PHF21B: variants seen among roughly 807,000 people sequenced by gnomAD.
PHF21B encodes PHD finger protein 4.
A neutral mutation model predicts 62.2 loss-of-function variants in PHF21B; 22 were observed. The ratio of observed to expected loss-of-function variants is 0.35; its 90% CI spans 0.25 to 0.51. The LOEUF (loss-of-function observed/expected upper bound fraction) is 0.51, where lower values mean the gene tolerates loss of function less well. Ranked by LOEUF, PHF21B falls within the 20% of genes least tolerant of loss-of-function variation. PHF21B has a pLI of 0.97. For synonymous variants in PHF21B, 341 were observed against 314.7 expected, an observed-to-expected ratio of 1.08 and a Z score of -0.88; for missense variants, 701 against 707.9, an observed-to-expected ratio of 0.99 and a Z score of 0.11.
At position 44,899,613 on chromosome 22, in the gene PHF21B, CTCT is replaced by C. The variant is rs546936127; in HGVS notation, c.832-3533_832-3531del. On this transcript the variant is annotated intron_variant, in intron 5 of 12. Transcript: ENST00000313237. ...CCTCTTCTTTTTTCTTCTCCTTCTC[CTCT>C]TTTCTTCCTTCTCCTTCCTTCTTCT... Among the ~76,000 whole-genome samples, 187 of 152,118 alleles carry C rather than the reference CTCT, an allele frequency of 1.2e-3. 1 individual carries two copies. The highest frequency in any genetic ancestry group is 4.4e-3 in the African/African-American group (181 of 41,500).
Position 44,914,016 on chromosome 22 carries a change from G to C in PHF21B, c.637C>G (p.Leu213Val). ...GACAGTGATGGGGAGGGAGGGGTGA[G>C]GGGAAGAGAGGAGGGGTGGAGGGGA... ...HCPLHPSSLPLTPPSPSLSPS... is the reference protein window; with the variant it reads ...HCPLHPSSLPVTPPSPSLSPS... The change falls in exon 5 of 13, where the codon CTC becomes GTC. Residue 213 changes from leucine to valine, a missense_variant. Transcript: ENST00000313237. 1 of 1,447,598 alleles carries C rather than the reference G, an allele frequency of 6.9e-7. No homozygotes were observed. 89.7% of individuals were successfully genotyped at this position (1,447,598 alleles called of 1,614,324 possible).
At chr22:44,976,218 G>C (rs1337724053) in intron 2 of PHF21B, among the ~76,000 whole-genome samples, 1 of 152,176 alleles carries the variant, frequency 6.6e-6, no homozygotes, top group Non-Finnish European at 1.5e-5. Flanking sequence ...TATTCATGGG[G>C]TACAGTAGGA....
At chr22:45,005,943 C>G (rs190199829) in intron 2 of PHF21B, among the ~76,000 whole-genome samples, 1 of 152,162 alleles carries the variant, frequency 6.6e-6, no homozygotes, top group African/African-American at 2.4e-5. Context: ...AAGTAGAGGC[C>G]TCTTCAAAAC....
intron 2 of PHF21B, among the ~76,000 whole-genome samples, chr22:44,956,868 G>A (rs2072308951): frequency 6.6e-6 from 1 of 152,178 alleles, no homozygotes; most frequent in East Asian, 1.9e-4. Context: ...CATCAAAGCT[G>A]TACCCCAGAT....
At chr22:44,998,334 G>C (rs1304574612) in intron 2 of PHF21B, among the ~76,000 whole-genome samples, 1 of 152,218 alleles carries the variant, frequency 6.6e-6, no homozygotes, top group African/African-American at 2.4e-5. Context: ...GGGGCCAGCG[G>C]CTTCAGAAAG....
intron 2 of PHF21B, among the ~76,000 whole-genome samples, chr22:44,965,274 G>A (rs1024833499): frequency 4.6e-5 from 7 of 151,954 alleles, no homozygotes; most frequent in African/African-American, 7.3e-5. Context: ...GGATGGCCAC[G>A]CTCATCCCCC....
intron 2 of PHF21B, among the ~76,000 whole-genome samples, chr22:44,920,770 T>G (rs1373815638): frequency 2.0e-5 from 3 of 152,228 alleles, no homozygotes; most frequent in Non-Finnish European, 2.9e-5. Context: ...CAGCTAAATA[T>G]AGAATGTTGT....
chr22:44,946,013 T>C (rs1385470678), intron 2 of PHF21B, among the ~76,000 whole-genome samples: 1 of 152,096 alleles, frequency 6.6e-6, no homozygotes, highest in Non-Finnish European at 1.5e-5. Flanking sequence ...ACCAAGTTCC[T>C]ACAGTGTGCC....
Position 44,937,624 on chromosome 22 carries a change from G to A in PHF21B, c.121-17134C>T, listed in dbSNP as rs1041954463. 3.3e-5 allele frequency among the ~76,000 whole-genome samples: 5 copies of A among 152,380 alleles called. No individual in the cohort carries two copies. The South Asian group carries it at 8.3e-4, about 25-fold the overall frequency. ...AAAACCTGTATCCCCAAAACATCAT[G>A]TGCATGAAAATTCGGAGCAGCTTTA... On this transcript the variant is annotated intron_variant, in intron 2 of 12. Transcript: ENST00000313237.
intron 2 of PHF21B, among the ~76,000 whole-genome samples, chr22:44,965,630 C>A (rs566386559): frequency 1.3e-5 from 2 of 152,322 alleles, no homozygotes; most frequent in Admixed American, 1.3e-4. Flanking sequence ...CCCGGCCCCC[C>A]AGGTGTTCTG....
intron 2 of PHF21B, among the ~76,000 whole-genome samples, chr22:44,995,129 G>T (rs2073099523): frequency 6.6e-6 from 1 of 152,236 alleles, no homozygotes; most frequent in South Asian, 2.1e-4. Context: ...CACCAAGGTT[G>T]TGGGGAGGTA....
At chr22:44,919,986 G>A (rs1193283476) in intron 3 of PHF21B, among the ~76,000 whole-genome samples, 1 of 152,222 alleles carries the variant, frequency 6.6e-6, no homozygotes, top group Non-Finnish European at 1.5e-5. Context: ...GCCCCTCCCT[G>A]AAATGAATCC....
At position 44,920,385 on chromosome 22, in the gene PHF21B, G is replaced by T; in HGVS notation, c.213+13C>A. Reference sequence around the variant, plus strand: ...CAGACGGACACCCCAGGGCCCGCCCGAGGGCTGCTTACCTGAGGTAGCACT... The same window carrying T: ...CAGACGGACACCCCAGGGCCCGCCCTAGGGCTGCTTACCTGAGGTAGCACT... On this transcript the variant is annotated intron_variant, in intron 3 of 12. Coordinates refer to ENST00000313237, the MANE Select transcript of PHF21B (RefSeq NM_138415.5). 6.3e-7 allele frequency: 1 copy of T among 1,599,726 alleles called. No individual in the cohort carries two copies. The highest frequency in any genetic ancestry group is 1.1e-5 in the South Asian group (1 of 89,418).
At chr22:44,933,779 A>G (rs2071790571) in intron 2 of PHF21B, among the ~76,000 whole-genome samples, 1 of 152,092 alleles carries the variant, frequency 6.6e-6, no homozygotes, top group African/African-American at 2.4e-5. Context: ...AGACAGACAC[A>G]TGACTGCCCC....
intron 12 of PHF21B, among the ~76,000 whole-genome samples, chr22:44,883,997 CATGAT>C: frequency 6.6e-6 from 1 of 151,144 alleles, no homozygotes; most frequent in Non-Finnish European, 1.5e-5. Context: ...TCACCACCAC[CATGAT>C]CACCATTATC....
At chr22:45,002,230 A>C (rs906393099) in intron 2 of PHF21B, among the ~76,000 whole-genome samples, 1 of 152,254 alleles carries the variant, frequency 6.6e-6, no homozygotes, top group African/African-American at 2.4e-5. Flanking sequence ...AATATTTGTC[A>C]TTATACGTTA....
chr22:44,952,199 T>C (rs1261647863), intron 2 of PHF21B, among the ~76,000 whole-genome samples: 1 of 152,062 alleles, frequency 6.6e-6, no homozygotes, highest in Admixed American at 6.6e-5. Context: ...AAAAACTAGC[T>C]AGGCGTGGTG....
At chr22:44,907,248 T>C (rs9614586) in intron 5 of PHF21B, among the ~76,000 whole-genome samples, 13,076 of 152,202 alleles carry the variant, frequency 0.086, 684 homozygotes, top group African/African-American at 0.14. Context: ...GTAGGTGCCA[T>C]TTTCTGTTAT....
chr22:44,882,939 G>A lies in PHF21B; in HGVS notation c.*147C>T, dbSNP rs537337630. The A allele has an allele frequency of 8.9e-6, 9 of 1,011,574 alleles. No homozygotes were observed. The highest frequency in any genetic ancestry group is 3.4e-4 in the Middle Eastern group (1 of 2,974). The allele number at this position is 1,011,574 out of a possible 1,614,324, so 62.7% of individuals were successfully genotyped here. A position where few individuals can be genotyped will look rare whatever the true frequency, so the allele number is the denominator to read the frequency against. ...ACCTGGTCCTGGCTCTAGGCCTCTC[G>A]CCCAGCTCTTCCTCCCTCCTCTCCT... is the stretch of plus-strand genomic sequence containing the variant. On this transcript the variant is annotated 3_prime_UTR_variant, in exon 13 of 13. Coordinates refer to ENST00000313237, the MANE Select transcript of PHF21B (RefSeq NM_138415.5).
Sources: gnomAD v4.1 joint callset for allele counts (sites outside exome capture counted in the v4.1 genomes callset) on GRCh38, gnomAD v4.1.1 for gene constraint, MANE v1.5 for transcripts, NCBI Gene and HGNC (gene_info 2026-07-23, HGNC 2026-07-21) for gene names.